Variants in SP140 observed in about 807,000 individuals in gnomAD.
The protein encoded by SP140 is SP140 nuclear body protein, also known as nuclear body protein SP140.
SP140 carries 81 observed loss-of-function variants against 125.0 expected under a neutral mutation model. That is an observed-to-expected ratio of 0.65 (90% CI 0.54 to 0.78). The LOEUF (loss-of-function observed/expected upper bound fraction) is 0.78. Among genes scored for constraint, SP140 ranks in the 30% least tolerant of loss-of-function variants. The pLI, the probability that SP140 is intolerant of heterozygous loss-of-function variation, is 0.00. For synonymous variants in SP140, 312 were observed against 354.0 expected (o/e 0.88, Z 1.33); for missense variants, 858 against 1,037.0 (o/e 0.83, Z 2.37).
chr2:230,285,249 C>T (rs2056214405), intron 16 of SP140, among the ~76,000 whole-genome samples: 1 of 152,162 alleles, frequency 6.6e-6, no homozygotes, highest in Non-Finnish European at 1.5e-5. Context: ...GACTTCCATT[C>T]TTCTAGACGA....
Position 230,233,537 on chromosome 2 carries a change from C to T in SP140, c.60-3546C>T, listed in dbSNP as rs185672969. On this transcript the variant is annotated intron_variant, in intron 1 of 26. Transcript: ENST00000392045. ...ATATTTTTATATTTTTAAAAATTAT[C>T]GAGAACCCCAAAGAACTGGCTTTTG... is the stretch of plus-strand genomic sequence containing the variant. 3.0e-4 allele frequency among the ~76,000 whole-genome samples: 45 copies of T among 152,120 alleles called. 2 individuals carry two copies. Among genetic ancestry groups the T allele is most frequent in the Admixed American group, 2.3e-3 (35 of 15,278 alleles).
At chr2:230,251,489 A>G (rs2050359729) in intron 10 of SP140, among the ~76,000 whole-genome samples, 2 of 152,202 alleles carry the variant, frequency 1.3e-5, no homozygotes, top group Non-Finnish European at 2.9e-5. Context: ...AGGTCAGAAT[A>G]TGCTAGGAGG....
intron 1 of SP140, chr2:230,212,760 C>A: frequency 6.2e-7 from 1 of 1,614,038 alleles, no homozygotes; most frequent in South Asian, 1.1e-5. Context: ...CTGTTTCTCA[C>A]CTGAAGTGCT....
chr2:230,200,959 A>G (rs768985896), upstream of SP140: 6 of 1,612,756 alleles, frequency 3.7e-6, no homozygotes, highest in South Asian at 3.3e-5. Context: ...AGTGCCATCA[A>G]TGATCTCTGG....
At chr2:230,257,735 C>T (rs1197681144) in intron 12 of SP140, among the ~76,000 whole-genome samples, 1 of 152,150 alleles carries the variant, frequency 6.6e-6, no homozygotes, top group East Asian at 1.9e-4. Context: ...TCACTGCACT[C>T]CAGCCTGGTG....
chr2:230,272,144 A>G (rs2054020927), intron 15 of SP140, among the ~76,000 whole-genome samples: 1 of 152,206 alleles, frequency 6.6e-6, no homozygotes, highest in Non-Finnish European at 1.5e-5. Context: ...TACTGCCCAA[A>G]GCAATTTATA....
chr2:230,307,988 TATACACACACAC>T (rs1345663065), intron 22 of SP140, among the ~76,000 whole-genome samples: 5 of 74,440 alleles, frequency 6.7e-5, no homozygotes, highest in African/African-American at 2.9e-4. Flanking sequence ...TATATATATA[TATACACACACAC>T]ACACACACAC....
intron 12 of SP140, among the ~76,000 whole-genome samples, chr2:230,266,867 A>G (rs2053205157): frequency 6.6e-6 from 1 of 152,204 alleles, no homozygotes; most frequent in South Asian, 2.1e-4. Context: ...TGCTGGCTAG[A>G]GAAAACTCCC....
upstream of SP140, among the ~76,000 whole-genome samples, chr2:230,222,122 C>T (rs142775929): frequency 9.8e-4 from 149 of 151,336 alleles, 1 homozygote; most frequent in African/African-American, 2.8e-3. Flanking sequence ...CCGAGCTACT[C>T]GGGAGGCTGA....
chr2:230,266,313 T>C (rs1258088081), intron 12 of SP140, among the ~76,000 whole-genome samples: 1 of 152,204 alleles, frequency 6.6e-6, no homozygotes, highest in East Asian at 1.9e-4. Context: ...TTTATGTCCA[T>C]TTTTGCCCAA....
At chr2:230,254,411 C>T (rs1423013875) in intron 11 of SP140, among the ~76,000 whole-genome samples, 1 of 152,194 alleles carries the variant, frequency 6.6e-6, no homozygotes, top group Admixed American at 6.5e-5. Flanking sequence ...GCCTCATCTG[C>T]TCAGGTAGTG....
intron 12 of SP140, among the ~76,000 whole-genome samples, chr2:230,265,355 A>C (rs2052925698): frequency 6.6e-6 from 1 of 152,024 alleles, no homozygotes; most frequent in African/African-American, 2.4e-5. Context: ...CCAGGCTTGA[A>C]AACCTGCCCC....
upstream of SP140, among the ~76,000 whole-genome samples, chr2:230,199,990 C>T (rs1375761643): frequency 6.6e-6 from 1 of 152,102 alleles, no homozygotes; most frequent in Non-Finnish European, 1.5e-5. Context: ...ATCTTAATTT[C>T]CTCATCTGCT....
chr2:230,226,881 A>G (rs1192078962), intron 1 of SP140, among the ~76,000 whole-genome samples: 2 of 152,274 alleles, frequency 1.3e-5, no homozygotes, highest in Middle Eastern at 3.4e-3. Context: ...AATTAAAAAC[A>G]TAAATAACAA....
chr2:230,233,791 T>A (rs1265213176), intron 1 of SP140, among the ~76,000 whole-genome samples: 1 of 152,254 alleles, frequency 6.6e-6, no homozygotes, highest in African/African-American at 2.4e-5. Context: ...AGAAGGCAGC[T>A]AGACCCTCCT....
intron 15 of SP140, among the ~76,000 whole-genome samples, chr2:230,276,068 C>T (rs368072420): frequency 5.3e-5 from 8 of 152,284 alleles, no homozygotes; most frequent in South Asian, 4.1e-4. Flanking sequence ...GGCGAAGCTG[C>T]AAATGCTGAT....
chr2:230,224,057 A>C (rs1391199964), upstream of SP140, among the ~76,000 whole-genome samples: 1 of 152,210 alleles, frequency 6.6e-6, no homozygotes, highest in Non-Finnish European at 1.5e-5. Flanking sequence ...AGCATAGGGA[A>C]AAACAAGATA....
intron 3 of SP140, 41 bp downstream of exon 3, chr2:230,238,422 T>C: frequency 6.5e-7 from 1 of 1,539,634 alleles, no homozygotes; most frequent in Non-Finnish European, 8.8e-7. Context: ...TTCAAGCCCA[T>C]TTCATTCATT....
At chr2:230,201,476 T>C (rs374507704), upstream of SP140, among the ~76,000 whole-genome samples, 4 of 152,164 alleles carry the variant, frequency 2.6e-5, no homozygotes, top group African/African-American at 9.7e-5. Context: ...ACCTACTCAC[T>C]GTACCAAAAA....
Sources: gnomAD v4.1 joint callset for allele counts (sites outside exome capture counted in the v4.1 genomes callset) on GRCh38, gnomAD v4.1.1 for gene constraint, MANE v1.5 for transcripts, NCBI Gene and HGNC (gene_info 2026-07-23, HGNC 2026-07-21) for gene names.